The following NFIB variants were observed in gnomAD, a reference collection of about 807,000 sequenced individuals.
NFIB encodes nuclear factor 1 B-type.
Under a neutral mutation model 61.5 loss-of-function variants are expected in NFIB, and 11 were observed. The ratio of observed to expected loss-of-function variants is 0.18; its 90% CI spans 0.11 to 0.30. The LOEUF is 0.30. NFIB is among the 10% of genes least tolerant of loss of function. NFIB has a pLI of 1.00. For synonymous variants in NFIB, 260 were observed against 216.5 expected (o/e 1.20, Z -1.76); for missense variants, 471 against 608.9 (o/e 0.77, Z 2.38).
chr9:14,511,804 T>G, the NFIB span, among the ~76,000 whole-genome samples: 8 of 152,356 alleles, frequency 5.3e-5, no homozygotes, highest in South Asian at 1.7e-3. Flanking sequence ...GTTTATACAT[T>G]TATAATATGT....
At chr9:14,123,073 G>A (rs1362615500) in intron 7 of NFIB, among the ~76,000 whole-genome samples, 1 of 151,870 alleles carries the variant, frequency 6.6e-6, no homozygotes, top group Non-Finnish European at 1.5e-5. Context: ...GGCCAACATG[G>A]TGAAACCCCA....
chr9:14,272,274 T>C (rs1205218908), intron 2 of NFIB, among the ~76,000 whole-genome samples: 2 of 152,192 alleles, frequency 1.3e-5, no homozygotes, highest in Non-Finnish European at 2.9e-5. Context: ...ATCTGGCTTT[T>C]TGTCGTAATT....
chr9:14,531,464 G>A, the NFIB span, among the ~76,000 whole-genome samples: 6 of 152,150 alleles, frequency 3.9e-5, no homozygotes, highest in Admixed American at 6.5e-5. Flanking sequence ...AAGGCAAAGC[G>A]TGGGGGACAG....
intron 2 of NFIB, among the ~76,000 whole-genome samples, chr9:14,203,879 T>C (rs2049326970): frequency 6.6e-6 from 1 of 152,078 alleles, no homozygotes; most frequent in South Asian, 2.1e-4. Flanking sequence ...CAATCACACA[T>C]AATGCCCGCA....
chr9:14,233,656 C>G (rs148787660), intron 2 of NFIB, among the ~76,000 whole-genome samples: 98 of 152,298 alleles, frequency 6.4e-4, no homozygotes, highest in African/African-American at 2.0e-3. Context: ...TCTCAAACTC[C>G]TGACCTCAGG....
At chr9:14,399,413 A>G (rs2133050885), upstream of NFIB, among the ~76,000 whole-genome samples, 1 of 152,356 alleles carries the variant, frequency 6.6e-6, no homozygotes, top group East Asian at 1.9e-4. Context: ...GTATGAAAAG[A>G]TGTTTTATAT....
At chr9:14,205,756 G>C (rs185674833) in intron 2 of NFIB, among the ~76,000 whole-genome samples, 214 of 152,282 alleles carry the variant, frequency 1.4e-3, no homozygotes, top group Non-Finnish European at 2.6e-3. Flanking sequence ...ATTCATCATA[G>C]TGCTTATTCA....
chr9:14,299,761 T>C (rs1446334117), intron 2 of NFIB, among the ~76,000 whole-genome samples: 2 of 152,232 alleles, frequency 1.3e-5, no homozygotes, highest in Non-Finnish European at 2.9e-5. Flanking sequence ...TAAGCTATCA[T>C]CATAAACAGA....
intron 2 of NFIB, among the ~76,000 whole-genome samples, chr9:14,217,600 C>A (rs867460592): frequency 7.5e-6 from 1 of 134,088 alleles, no homozygotes; most frequent in African/African-American, 2.8e-5. Context: ...GTGGAGGTTG[C>A]GGTGAGCCGA....
rs147889381 is a variant in NFIB at position 14,367,847 on chromosome 9, C to T, written c.108+30677G>A. Among the ~76,000 whole-genome samples the T allele has an allele frequency of 4.1e-4, 63 of 152,136 alleles. 1 individual carries two copies. Among genetic ancestry groups the T allele is most frequent in the African/African-American group, 1.4e-3 (57 of 41,520 alleles). ...TGAACAATGGGAACACATGGACACA[C>T]GGAGGGGAACATCACACACCGGGGC... On this transcript the variant is annotated intron_variant, in intron 1 of 8. Transcript: ENST00000380934.
chr9:14,288,333 C>G (rs868431734), intron 2 of NFIB, among the ~76,000 whole-genome samples: 2 of 148,324 alleles, frequency 1.3e-5, no homozygotes, highest in Non-Finnish European at 3.0e-5. Flanking sequence ...TTCAATGTTA[C>G]GATTCAATAA....
At chr9:14,233,136 T>G (rs2053381565) in intron 2 of NFIB, among the ~76,000 whole-genome samples, 1 of 152,212 alleles carries the variant, frequency 6.6e-6, no homozygotes, top group African/African-American at 2.4e-5. Context: ...TCATTACTGC[T>G]CTTCAAAAGA....
the NFIB span, among the ~76,000 whole-genome samples, chr9:14,529,141 A>G: frequency 6.6e-6 from 1 of 152,170 alleles, no homozygotes; most frequent in South Asian, 2.1e-4. Context: ...TCTCAATAAA[A>G]TGTTTTTCCT....
the NFIB span, among the ~76,000 whole-genome samples, chr9:14,417,639 A>AGAT: frequency 6.6e-6 from 1 of 152,176 alleles, no homozygotes; most frequent in Non-Finnish European, 1.5e-5. Flanking sequence ...ATGACTAACC[A>AGAT]GATAGAAGTA....
chr9:14,363,902 G>A (rs2061270323), intron 1 of NFIB, among the ~76,000 whole-genome samples: 1 of 152,012 alleles, frequency 6.6e-6, no homozygotes, highest in African/African-American at 2.4e-5. Context: ...CTATTAAATA[G>A]CTCCATGAAA....
upstream of NFIB, among the ~76,000 whole-genome samples, chr9:14,403,259 T>C (rs773830514): frequency 6.6e-6 from 1 of 152,214 alleles, no homozygotes; most frequent in Non-Finnish European, 1.5e-5. Context: ...AGATGAGCCA[T>C]GTTCAGAATA....
chr9:14,436,936 T>G, the NFIB span, among the ~76,000 whole-genome samples: 1 of 147,586 alleles, frequency 6.8e-6, no homozygotes, highest in Non-Finnish European at 1.5e-5. Context: ...GGAAGGAAAT[T>G]TCCTTAAAAG....
At chr9:14,500,871 T>C in the NFIB span, among the ~76,000 whole-genome samples, 2 of 152,174 alleles carry the variant, frequency 1.3e-5, no homozygotes, top group Non-Finnish European at 1.5e-5. Flanking sequence ...CTCCCTGGTT[T>C]CTAAACTCAG....
chr9:14,164,643 C>A (rs914772530), intron 3 of NFIB, among the ~76,000 whole-genome samples: 3 of 152,076 alleles, frequency 2.0e-5, no homozygotes, highest in Admixed American at 2.0e-4. Context: ...ATAATACATA[C>A]AACTTATTGA....
Sources: allele counts gnomAD v4.1 joint callset (sites outside exome capture counted in the v4.1 genomes callset), GRCh38; gene constraint gnomAD v4.1.1; transcripts MANE v1.5; gene names NCBI Gene and HGNC (gene_info 2026-07-23, HGNC 2026-07-21).